The following MCF2L2 variants were observed in gnomAD, a reference collection of about 807,000 sequenced individuals.
MCF2L2 encodes the protein probable guanine nucleotide exchange factor MCF2L2.
A neutral mutation model predicts 150.2 loss-of-function variants in MCF2L2; 102 were observed. The observed-to-expected ratio is 0.68, with a 90% CI of 0.58 to 0.80. The LOEUF (loss-of-function observed/expected upper bound fraction) is 0.80. MCF2L2 is among the 30% of genes least tolerant of loss of function. The pLI, the probability that MCF2L2 is intolerant of heterozygous loss-of-function variation, is 0.00. For synonymous variants in MCF2L2, 465 were observed against 491.3 expected (o/e 0.95, Z 0.71); for missense variants, 1,256 against 1,372.8 (o/e 0.91, Z 1.34).
intron 27 of MCF2L2, among the ~76,000 whole-genome samples, chr3:183,188,292 C>T (rs1378796419): frequency 6.6e-6 from 1 of 152,130 alleles, no homozygotes; most frequent in Non-Finnish European, 1.5e-5. Flanking sequence ...TTGCTGTGTT[C>T]CCTAGTGGAA....
At chr3:183,298,404 T>C (rs1429734554) in intron 11 of MCF2L2, 1 of 152,128 alleles carries the variant, frequency 6.6e-6, no homozygotes, top group Non-Finnish European at 1.5e-5. Flanking sequence ...TCTTTCTAAG[T>C]GGGAAAATGA....
intron 1 of MCF2L2, among the ~76,000 whole-genome samples, chr3:183,425,915 A>C (rs1426145056): frequency 6.6e-6 from 1 of 151,874 alleles, no homozygotes; most frequent in Non-Finnish European, 1.5e-5. Context: ...AGATCACACC[A>C]TTGCACTCCA....
intron 25 of MCF2L2, among the ~76,000 whole-genome samples, chr3:183,196,934 A>T (rs1232113691): frequency 6.6e-6 from 1 of 152,160 alleles, no homozygotes; most frequent in Non-Finnish European, 1.5e-5. Flanking sequence ...TCAACTGAAT[A>T]AGTGTCATAT....
chr3:183,220,365 A>T (rs1380362969), intron 20 of MCF2L2, among the ~76,000 whole-genome samples: 1 of 152,080 alleles, frequency 6.6e-6, no homozygotes, highest in African/African-American at 2.4e-5. Context: ...TTCTCATTCA[A>T]CAATATCTCA....
At chr3:183,278,803 G>C (rs919125225) in intron 14 of MCF2L2, among the ~76,000 whole-genome samples, 2 of 152,206 alleles carry the variant, frequency 1.3e-5, no homozygotes, top group Non-Finnish European at 2.9e-5. Flanking sequence ...TGATTCAGGA[G>C]TAGGTAATGG....
chr3:183,300,753 C>G (rs12106816), intron 10 of MCF2L2, among the ~76,000 whole-genome samples: 50,406 of 151,668 alleles, frequency 0.33, 10,212 homozygotes, highest in African/African-American at 0.55. Context: ...GTGGTGGCTC[C>G]CACCTGTAAT....
chr3:183,353,986 T>C (rs141005686), intron 3 of MCF2L2, among the ~76,000 whole-genome samples: 204 of 152,190 alleles, frequency 1.3e-3, no homozygotes, highest in African/African-American at 4.8e-3. Flanking sequence ...CCCAACCAAC[T>C]GAATGGACCC....
chr3:183,178,619 T>C lies in MCF2L2; in HGVS notation c.*761A>G, dbSNP rs1721394806. 1 of 151,926 alleles carries C rather than the reference T, an allele frequency of 6.6e-6. No homozygotes were observed. Among genetic ancestry groups the C allele is most frequent in the Middle Eastern group, 3.2e-3 (1 of 316 alleles). The allele number at this position is 151,926 out of a possible 1,614,324, so 9.4% of individuals were successfully genotyped here. A position where few individuals can be genotyped will look rare whatever the true frequency, so the allele number is the denominator to read the frequency against. On this transcript the variant is annotated 3_prime_UTR_variant, in exon 30 of 30. Coordinates refer to ENST00000328913, the MANE Select transcript of MCF2L2 (RefSeq NM_015078.4). ...GTAACTATAAACCAGTAACTGAAAC[T>C]ATAAAATTAAATAACCAGAAAGCTA...
intron 24 of MCF2L2, 79 bp from the exon 25 acceptor site, chr3:183,206,033 A>G: frequency 6.5e-7 from 1 of 1,545,722 alleles, no homozygotes; most frequent in South Asian, 1.1e-5. Flanking sequence ...AGTGACCGTT[A>G]GACTAATGAG....
At chr3:183,272,850 C>A (rs1726901585) in intron 15 of MCF2L2, 1 of 1,252,696 alleles carries the variant, frequency 8.0e-7, no homozygotes, top group African/African-American at 1.6e-5. Flanking sequence ...GTGTCTCTGG[C>A]CATCAAAGTG....
rs1721956235 is a variant in MCF2L2, at chr3:183,193,109, A to G, written c.2919-13T>C. 5 of 1,606,402 alleles carry G rather than the reference A, an allele frequency of 3.1e-6. No homozygotes were observed. The highest frequency in any genetic ancestry group is 4.3e-6 in the Non-Finnish European group (5 of 1,173,062). On this transcript the variant is annotated splice_polypyrimidine_tract_variant and intron_variant, in intron 26 of 29. Coordinates refer to ENST00000328913, the MANE Select transcript of MCF2L2 (RefSeq NM_015078.4). ...TCCACTGCCTTTGCTTTAGAGAAATAAACATGAATATTGAGTCACTGGAAG... is the reference window on the plus strand; with the variant it reads ...TCCACTGCCTTTGCTTTAGAGAAATGAACATGAATATTGAGTCACTGGAAG...
At chr3:183,392,625 G>A (rs1714222344) in intron 1 of MCF2L2, among the ~76,000 whole-genome samples, 1 of 152,180 alleles carries the variant, frequency 6.6e-6, no homozygotes, top group African/African-American at 2.4e-5. Context: ...CCTAGCAAAG[G>A]AGCCACATGA....
intron 22 of MCF2L2, among the ~76,000 whole-genome samples, chr3:183,214,386 T>C (rs1722838816): frequency 6.6e-6 from 1 of 152,158 alleles, no homozygotes; most frequent in Non-Finnish European, 1.5e-5. Context: ...CAGAGACACC[T>C]TGGAGTCCCA....
rs1382887707 is a variant in MCF2L2 at position 183,178,749 on chromosome 3, T to C, written c.*631A>G. On this transcript the variant is annotated 3_prime_UTR_variant, in exon 30 of 30. Coordinates refer to ENST00000328913, the MANE Select transcript of MCF2L2 (RefSeq NM_015078.4). ...TCGATACATAAAATACCTCAGAAAG[T>C]AACTTGGAACGAACTCTCTCTACAA... The C allele has an allele frequency of 6.6e-6, 1 of 152,128 alleles. No individual in the cohort carries two copies. The highest frequency in any genetic ancestry group is 1.5e-5 in the Non-Finnish European group (1 of 68,018). 9.4% of individuals were successfully genotyped at this position (152,128 alleles called of 1,614,324 possible). A position where few individuals can be genotyped will look rare whatever the true frequency, so the allele number is the denominator to read the frequency against.
At chr3:183,231,213 C>T in intron 15 of MCF2L2, 196 bp from the exon 16 acceptor site, 2 of 673,342 alleles carry the variant, frequency 3.0e-6, no homozygotes, top group Non-Finnish European at 5.5e-6. Flanking sequence ...TGTGATCACA[C>T]TGGTATCAAG....
At chr3:183,203,610 C>T (rs899767085) in intron 25 of MCF2L2, among the ~76,000 whole-genome samples, 1 of 152,112 alleles carries the variant, frequency 6.6e-6, no homozygotes, top group Non-Finnish European at 1.5e-5. Context: ...CCTTCAAGCA[C>T]GCTAATGACG....
chr3:183,367,919 A>G (rs1224506166), intron 3 of MCF2L2, among the ~76,000 whole-genome samples: 3 of 152,230 alleles, frequency 2.0e-5, no homozygotes, highest in Non-Finnish European at 4.4e-5. Flanking sequence ...ATAAATATGC[A>G]TGTTAGTATC....
chr3:183,310,342 AATAC>A (rs1729307986), intron 9 of MCF2L2, among the ~76,000 whole-genome samples: 1 of 152,072 alleles, frequency 6.6e-6, no homozygotes, highest in Non-Finnish European at 1.5e-5. Flanking sequence ...CTCTACCAAA[AATAC>A]AAAAAATTAG....
At chr3:183,224,229 AT>A in intron 18 of MCF2L2, 39 bp from the exon 19 acceptor site, 3 of 1,321,592 alleles carry the variant, frequency 2.3e-6, no homozygotes, top group Middle Eastern at 1.8e-4. Flanking sequence ...ATCAGGCAGC[AT>A]TTTTCAGTAA....
Sources: allele counts gnomAD v4.1 joint callset (sites outside exome capture counted in the v4.1 genomes callset), GRCh38; gene constraint gnomAD v4.1.1; transcripts MANE v1.5; gene names NCBI Gene and HGNC (gene_info 2026-07-23, HGNC 2026-07-21).